MFHAS1: variants seen among roughly 807,000 people sequenced by gnomAD.
The protein encoded by MFHAS1 is malignant fibrous histiocytoma-amplified sequence 1.
In MFHAS1, 50 loss-of-function variants were observed where a neutral mutation model predicts 70.4. That is an observed-to-expected ratio of 0.71 (90% CI 0.57 to 0.90). The LOEUF (loss-of-function observed/expected upper bound fraction) is 0.90. Ranked by LOEUF, MFHAS1 falls within the 40% of genes least tolerant of loss-of-function variation. MFHAS1 has a pLI of 0.00. For missense variants in MFHAS1, 1,795 were observed against 1,347.6 expected (o/e 1.33, Z -5.20); for synonymous variants, 952 against 620.0 (o/e 1.54, Z -7.96).
chr8:8,880,748 A>C (rs381800), intron 1 of MFHAS1, among the ~76,000 whole-genome samples: 2 of 150,212 alleles, frequency 1.3e-5, no homozygotes, highest in Non-Finnish European at 3.0e-5. Context: ...ATAGCGGCGC[A>C]ATCTCAGCTC....
chr8:8,877,437 T>C (rs1294844665), intron 1 of MFHAS1, among the ~76,000 whole-genome samples: 1 of 151,202 alleles, frequency 6.6e-6, no homozygotes, highest in East Asian at 2.0e-4. Flanking sequence ...CACAATAAAA[T>C]GGTAATTGTG....
chr8:8,803,961 G>C (rs758167300), intron 1 of MFHAS1, among the ~76,000 whole-genome samples: 2 of 152,138 alleles, frequency 1.3e-5, no homozygotes, highest in Non-Finnish European at 2.9e-5. Flanking sequence ...GACAGAGTGA[G>C]ACTCTGTCTC....
At chr8:8,831,167 T>A (rs1563194128) in intron 1 of MFHAS1, among the ~76,000 whole-genome samples, 1 of 150,744 alleles carries the variant, frequency 6.6e-6, no homozygotes, top group Admixed American at 6.6e-5. Context: ...TCTCTTCCAA[T>A]AAGGACACTA....
chr8:8,892,622 T>A lies in MFHAS1; in HGVS notation c.437A>T (p.Gln146Leu), dbSNP rs545590091. 1 of 1,606,374 alleles carries A rather than the reference T, an allele frequency of 6.2e-7. No individual in the cohort carries two copies. The highest frequency in any genetic ancestry group is 1.1e-5 in the South Asian group (1 of 89,954). Reference sequence around the variant, plus strand: ...CAGCTGGGCGGGCAGGGCGGGCAGCTGGTTGTGGCTGAGGTTGAGCTTCCG... The same window carrying A: ...CAGCTGGGCGGGCAGGGCGGGCAGCAGGTTGTGGCTGAGGTTGAGCTTCCG... The part of the protein sequence containing the change: ...ELRKLNLSHN[Q>L]LPALPAQLGA... Residue 146 changes from glutamine to leucine, a missense_variant, in exon 1 of 3, where the codon CAG (glutamine) becomes CTG (leucine). Transcript: ENST00000276282. The surrounding 1 kb of genome is among the most constrained non-coding windows in gnomAD (Gnocchi z 4.7).
intron 1 of MFHAS1, among the ~76,000 whole-genome samples, chr8:8,810,480 C>T (rs1563183903): frequency 6.6e-6 from 1 of 152,218 alleles, no homozygotes; most frequent in Non-Finnish European, 1.5e-5. Flanking sequence ...CCTGAGAGAG[C>T]AAGTCCAACC....
chr8:8,892,707 C>A lies in MFHAS1; in HGVS notation c.352G>T (p.Val118Leu), dbSNP rs541714002. Reference protein sequence around the residue: ...ELGHHLTELDVSHNRLTALGA... With the variant: ...ELGHHLTELDLSHNRLTALGA... Reference sequence around the variant, plus strand: ...AGGGCGGTCAGCCGGTTGTGGCTCACGTCCAGCTCGGTGAGGTGGTGGCCG... The same window carrying A: ...AGGGCGGTCAGCCGGTTGTGGCTCAAGTCCAGCTCGGTGAGGTGGTGGCCG... Residue 118 changes from valine to leucine, a missense_variant, in exon 1 of 3, where the codon GTG becomes TTG. Coordinates refer to ENST00000276282, the MANE Select transcript of MFHAS1 (RefSeq NM_004225.3). The surrounding 1 kb of genome is among the most constrained non-coding windows in gnomAD (Gnocchi z 4.7). 4.4e-6 allele frequency: 7 copies of A among 1,576,816 alleles called. No homozygotes were observed. In the African/African-American group the frequency reaches 6.7e-5, roughly 15 times the overall value.
At chr8:8,879,706 T>C (rs1277991813) in intron 1 of MFHAS1, among the ~76,000 whole-genome samples, 1 of 152,174 alleles carries the variant, frequency 6.6e-6, no homozygotes, top group Non-Finnish European at 1.5e-5. Context: ...AGATTCCGTA[T>C]TTACAAGAAT....
At chr8:8,818,139 C>G (rs1028152154) in intron 1 of MFHAS1, among the ~76,000 whole-genome samples, 1 of 152,202 alleles carries the variant, frequency 6.6e-6, no homozygotes, top group South Asian at 2.1e-4. Flanking sequence ...ACCTTGAAAC[C>G]TGACCAGCTT....
intron 2 of MFHAS1, among the ~76,000 whole-genome samples, chr8:8,791,422 T>C (rs78828152): frequency 2.5e-4 from 38 of 152,342 alleles, no homozygotes; most frequent in Non-Finnish European, 3.5e-4. Flanking sequence ...CTTGGTCTTT[T>C]ACCCAAAAAT....
intron 1 of MFHAS1, among the ~76,000 whole-genome samples, chr8:8,885,943 G>A (rs1179033085): frequency 1.3e-5 from 2 of 152,130 alleles, no homozygotes; most frequent in Admixed American, 6.5e-5. Flanking sequence ...TGGCCAGGAT[G>A]GAGAAAGCAG....
chr8:8,878,179 C>T (rs566368393), intron 1 of MFHAS1, among the ~76,000 whole-genome samples: 1 of 152,154 alleles, frequency 6.6e-6, no homozygotes, highest in Non-Finnish European at 1.5e-5. Context: ...ACCAGACTGT[C>T]TGCCCAGAAC....
In MFHAS1 at chr8:8,787,483, C is replaced by G. The variant is rs371291517; in HGVS notation, c.3126-1428G>C. On this transcript the variant is annotated intron_variant, in intron 2 of 2. Transcript: ENST00000276282. ...GAGCCAGGCCTTTCACTAGGGTGATCTGACTCCAAAGCTCAAAGAGAAGTT... is the reference window on the plus strand; with the variant it reads ...GAGCCAGGCCTTTCACTAGGGTGATGTGACTCCAAAGCTCAAAGAGAAGTT... Among the ~76,000 whole-genome samples, 20 of 152,310 alleles carry G rather than the reference C, an allele frequency of 1.3e-4. No individual in the cohort carries two copies. The East Asian group carries it at 3.1e-3, about 24-fold the overall frequency.
intron 1 of MFHAS1, among the ~76,000 whole-genome samples, chr8:8,879,280 G>A (rs1256774554): frequency 1.3e-5 from 2 of 152,126 alleles, no homozygotes; most frequent in Non-Finnish European, 2.9e-5. Flanking sequence ...GAACCCGGGA[G>A]GCGGAAGCTG....
chr8:8,882,233 C>A (rs1585070811), intron 1 of MFHAS1, among the ~76,000 whole-genome samples: 1 of 151,762 alleles, frequency 6.6e-6, no homozygotes, highest in Non-Finnish European at 1.5e-5. Flanking sequence ...AAAAAACACA[C>A]ACAAAAATTA....
chr8:8,795,718 CA>C (rs1169525594), intron 2 of MFHAS1, among the ~76,000 whole-genome samples: 1 of 152,112 alleles, frequency 6.6e-6, no homozygotes, highest in Non-Finnish European at 1.5e-5. Flanking sequence ...GGGAGCACAC[CA>C]AAGGCAGGGA....
At chr8:8,824,385 C>G (rs1468701026) in intron 1 of MFHAS1, among the ~76,000 whole-genome samples, 1 of 152,130 alleles carries the variant, frequency 6.6e-6, no homozygotes, top group Non-Finnish European at 1.5e-5. Flanking sequence ...AACCAGCCCT[C>G]ATTTAGCCTC....
At chr8:8,791,870 C>T (rs1805729795) in intron 2 of MFHAS1, among the ~76,000 whole-genome samples, 1 of 152,164 alleles carries the variant, frequency 6.6e-6, no homozygotes, top group African/African-American at 2.4e-5. Flanking sequence ...AGGGGGCTGG[C>T]AGTGGCAGGA....
Position 8,891,273 on chromosome 8 carries a change from A to G in MFHAS1, c.1786T>C (p.Tyr596His). 1.2e-6 allele frequency: 2 copies of G among 1,612,126 alleles called. No individual in the cohort carries two copies. ...CGAAGGTTCTTGTCCGAAACGCCATAGTAGGCTGCGTGGGGGCTGGCAGAG... is the reference window on the plus strand; with the variant it reads ...CGAAGGTTCTTGTCCGAAACGCCATGGTAGGCTGCGTGGGGGCTGGCAGAG... Reference protein sequence around the residue: ...LRSASPHAAYYGVSDKNLRRR... With the variant: ...LRSASPHAAYHGVSDKNLRRR... Residue 596 changes from tyrosine (Y) to histidine (H), a missense_variant, in exon 1 of 3, where the codon TAT (tyrosine) becomes CAT (histidine). Coordinates refer to ENST00000276282, the MANE Select transcript of MFHAS1 (RefSeq NM_004225.3). This position sits in a 1 kb window ranked among gnomAD's most constrained non-coding sequence, Gnocchi z 5.4.
At chr8:8,853,990 C>T (rs997448776) in intron 1 of MFHAS1, among the ~76,000 whole-genome samples, 1 of 152,232 alleles carries the variant, frequency 6.6e-6, no homozygotes, top group Non-Finnish European at 1.5e-5. Flanking sequence ...CCAACCAACT[C>T]CATGAACACC....
Sources: allele counts gnomAD v4.1 joint callset (sites outside exome capture counted in the v4.1 genomes callset), GRCh38; gene constraint gnomAD v4.1.1; non-coding constraint Gnocchi (gnomAD v3.1); transcripts MANE v1.5; gene names NCBI Gene and HGNC (gene_info 2026-07-23, HGNC 2026-07-21).